The following PFN1 variants were observed in gnomAD, a reference collection of about 807,000 sequenced individuals.
PFN1 encodes the protein profilin-1.
In PFN1, 2 loss-of-function variants were observed where a neutral mutation model predicts 11.7. That is an observed-to-expected ratio of 0.17 (90% CI 0.07 to 0.54). The LOEUF is 0.54. Among genes scored for constraint, PFN1 ranks in the 20% least tolerant of loss-of-function variants. PFN1 has a pLI of 0.94. For missense variants in PFN1, 97 were observed against 188.4 expected, an observed-to-expected ratio of 0.51 and a Z score of 2.84; for synonymous variants, 78 against 76.2, an observed-to-expected ratio of 1.02 and a Z score of -0.12.
rs547907008 is a variant in PFN1, at chr17:4,945,762, T to C, written c.*138A>G. 2.6e-5 allele frequency: 16 copies of C among 625,624 alleles called. No homozygotes were observed. Among genetic ancestry groups the C allele is most frequent in the African/African-American group, 1.5e-4 (8 of 54,954 alleles). 38.8% of individuals were successfully genotyped at this position (625,624 alleles called of 1,614,324 possible). ...GGGGAGGTGTCTGTCCATCCAGCCC[T>C]GGCCCCCAGCCCATGTGGTTTTGGC... On this transcript the variant is annotated 3_prime_UTR_variant, in exon 3 of 3. Coordinates refer to ENST00000225655, the MANE Select transcript of PFN1 (RefSeq NM_005022.4).
chr17:4,946,846 A>G, intron 1 of PFN1, 26 bp from the exon 2 acceptor site: 2 of 1,593,710 alleles, frequency 1.3e-6, no homozygotes, highest in Non-Finnish European at 1.7e-6. Flanking sequence ...AGCGCCCATC[A>G]AGTTAGTCAG....
In PFN1 at chr17:4,945,678, A is replaced by G. The variant is rs77350166; in HGVS notation, c.*222T>C. The G allele has an allele frequency of 7.2e-6, 3 of 415,144 alleles. No individual in the cohort carries two copies. Among genetic ancestry groups the G allele is most frequent in the Admixed American group, 4.0e-5 (1 of 25,194 alleles). The allele number at this position is 415,144 out of a possible 1,614,324, so 25.7% of individuals were successfully genotyped here. A position where few individuals can be genotyped will look rare whatever the true frequency, so the allele number is the denominator to read the frequency against. Reference sequence around the variant, plus strand: ...TGTTAGTAGAATCTTTTTTATTCAGAAAAAAAAAACCCCAAAAAACAAAAG... The same window carrying G: ...TGTTAGTAGAATCTTTTTTATTCAGGAAAAAAAAACCCCAAAAAACAAAAG... On this transcript the variant is annotated 3_prime_UTR_variant, in exon 3 of 3. Coordinates refer to ENST00000225655, the MANE Select transcript of PFN1 (RefSeq NM_005022.4).
At position 4,948,502 on chromosome 17, in the gene PFN1, G is replaced by A. The variant is rs553343580; in HGVS notation, c.-108C>T. ...AGGCGGAGAGCTCGGGGCACGCGCT[G>A]CCGTCCGGACCGCGGCTCCGCTCGC... On this transcript the variant is annotated 5_prime_UTR_variant, in exon 1 of 3. Transcript: ENST00000225655. 6 of 1,277,432 alleles carry A rather than the reference G, an allele frequency of 4.7e-6. No homozygotes were observed. The African/African-American group carries it at 4.7e-5, about 10-fold the overall frequency. The allele number at this position is 1,277,432 out of a possible 1,614,324, so 79.1% of individuals were successfully genotyped here.
chr17:4,948,472 G>C lies in PFN1; in HGVS notation c.-78C>G, dbSNP rs569094456. On this transcript the variant is annotated 5_prime_UTR_variant, in exon 1 of 3. Coordinates refer to ENST00000225655, the MANE Select transcript of PFN1 (RefSeq NM_005022.4). ...CTCGAGCTGCCTCGGCTGGCGGGCGGGGGGAGGCGGAGAGCTCGGGGCACG... is the reference window on the plus strand; with the variant it reads ...CTCGAGCTGCCTCGGCTGGCGGGCGCGGGGAGGCGGAGAGCTCGGGGCACG... The C allele has an allele frequency of 1.1e-5, 16 of 1,450,104 alleles. No homozygotes were observed. The highest frequency in any genetic ancestry group is 2.9e-5 in the African/African-American group (2 of 68,018). 89.8% of individuals were successfully genotyped at this position (1,450,104 alleles called of 1,614,324 possible).
In PFN1 at chr17:4,945,999, T is replaced by TGGA. The variant is rs759482650; in HGVS notation, c.326-5_326-3dup. The stretch of plus-strand genomic sequence containing the variant: ...CTTTGCCCATCAGCAGGACTAGCGC[T>TGGA]GGAGGAGGAGGAAAGAGAAAGGAGG... On this transcript the variant is annotated splice_region_variant and splice_polypyrimidine_tract_variant and intron_variant, in intron 2 of 2. Transcript: ENST00000225655. 1 of 1,606,478 alleles carries TGGA rather than the reference T, an allele frequency of 6.2e-7. No individual in the cohort carries two copies. Among genetic ancestry groups the TGGA allele is most frequent in the Non-Finnish European group, 8.5e-7 (1 of 1,173,270 alleles).
chr17:4,947,687 A>G (rs1410843286), intron 1 of PFN1, among the ~76,000 whole-genome samples: 2 of 152,084 alleles, frequency 1.3e-5, no homozygotes, highest in Non-Finnish European at 2.9e-5. Context: ...GACTTCCGGG[A>G]TTGGCCTCGC....
In PFN1 at chr17:4,945,766, C is replaced by T. The variant is rs1971371437; in HGVS notation, c.*134G>A. The T allele has an allele frequency of 3.2e-6, 2 of 632,132 alleles. No individual in the cohort carries two copies. The highest frequency in any genetic ancestry group is 5.9e-6 in the Non-Finnish European group (2 of 339,614). 39.2% of individuals were successfully genotyped at this position (632,132 alleles called of 1,614,324 possible). A position where few individuals can be genotyped will look rare whatever the true frequency, so the allele number is the denominator to read the frequency against. On this transcript the variant is annotated 3_prime_UTR_variant, in exon 3 of 3. Coordinates refer to ENST00000225655, the MANE Select transcript of PFN1 (RefSeq NM_005022.4). ...AGGTGTCTGTCCATCCAGCCCTGGCCCCCAGCCCATGTGGTTTTGGCAGCA... is the reference window on the plus strand; with the variant it reads ...AGGTGTCTGTCCATCCAGCCCTGGCTCCCAGCCCATGTGGTTTTGGCAGCA...
rs369356618 is a variant in PFN1, at chr17:4,945,963, G to A, written c.360C>T (p.His120=). Reference sequence around the variant, plus strand: ...AACATTTCTTGTTGATCAAACCACCGTGGACACCTTCTTTGCCCATCAGCA... The same window carrying A: ...AACATTTCTTGTTGATCAAACCACCATGGACACCTTCTTTGCCCATCAGCA... ...LVLLMGKEGV[H]GGLINKKCYE... The change falls in exon 3 of 3, where the codon CAC becomes CAT. Residue 120 remains histidine (H), a synonymous_variant. Transcript: ENST00000225655. 38 of 1,613,396 alleles carry A rather than the reference G, an allele frequency of 2.4e-5. No homozygotes were observed. In the African/African-American group the frequency reaches 4.0e-4, roughly 17 times the overall value.
Position 4,945,665 on chromosome 17 carries a change from C to CT in PFN1, c.*234dup, listed in dbSNP as rs757650091. The CT allele has an allele frequency of 9.2e-6, 4 of 432,522 alleles. No homozygotes were observed. In the South Asian group the frequency reaches 1.4e-4, roughly 15 times the overall value. The allele number at this position is 432,522 out of a possible 1,614,324, so 26.8% of individuals were successfully genotyped here. A position where few individuals can be genotyped will look rare whatever the true frequency, so the allele number is the denominator to read the frequency against. On this transcript the variant is annotated 3_prime_UTR_variant, in exon 3 of 3. Coordinates refer to ENST00000225655, the MANE Select transcript of PFN1 (RefSeq NM_005022.4). ...TCACACAGCACCTTGTTAGTAGAAT[C>CT]TTTTTTATTCAGAAAAAAAAAACCC...
At position 4,945,899 on chromosome 17, in the gene PFN1, G is replaced by A; in HGVS notation, c.*1C>T. 1 of 1,574,398 alleles carries A rather than the reference G, an allele frequency of 6.4e-7. No homozygotes were observed. Among genetic ancestry groups the A allele is most frequent in the Non-Finnish European group, 8.7e-7 (1 of 1,143,846 alleles). On this transcript the variant is annotated 3_prime_UTR_variant, in exon 3 of 3. Coordinates refer to ENST00000225655, the MANE Select transcript of PFN1 (RefSeq NM_005022.4). The stretch of plus-strand genomic sequence containing the variant: ...CGGTGAAGGGGAAGGGACAGACGAG[G>A]TCAGTACTGGGAACGCCGAAGGTGG...
In PFN1 at chr17:4,946,828, A is replaced by C. The variant is rs1038366120; in HGVS notation, c.133-8T>G. 6 of 1,607,156 alleles carry C rather than the reference A, an allele frequency of 3.7e-6. No homozygotes were observed. Among genetic ancestry groups the C allele is most frequent in the Non-Finnish European group, 5.1e-6 (6 of 1,176,360 alleles). On this transcript the variant is annotated splice_polypyrimidine_tract_variant and splice_region_variant and intron_variant, in intron 1 of 2. Transcript: ENST00000225655. Reference sequence around the variant, plus strand: ...GACACCCACCTCAGCTGGCTGGAAGAGGAACCAAGCGCCCATCAAGTTAGT... The same window carrying C: ...GACACCCACCTCAGCTGGCTGGAAGCGGAACCAAGCGCCCATCAAGTTAGT...
At position 4,948,494 on chromosome 17, in the gene PFN1, C is replaced by T. The variant is rs568361414; in HGVS notation, c.-100G>A. The stretch of plus-strand genomic sequence containing the variant: ...GCGGGGGGAGGCGGAGAGCTCGGGG[C>T]ACGCGCTGCCGTCCGGACCGCGGCT... On this transcript the variant is annotated 5_prime_UTR_variant, in exon 1 of 3. Coordinates refer to ENST00000225655, the MANE Select transcript of PFN1 (RefSeq NM_005022.4). 231 of 1,338,814 alleles carry T rather than the reference C, an allele frequency of 1.7e-4. 2 individuals are homozygous for T. The South Asian group carries it at 3.4e-3, about 19-fold the overall frequency. The allele number at this position is 1,338,814 out of a possible 1,614,324, so 82.9% of individuals were successfully genotyped here.
chr17:4,946,188 A>C (rs1264212297), intron 2 of PFN1, among the ~76,000 whole-genome samples, 191 bp from the exon 3 acceptor site: 1 of 150,020 alleles, frequency 6.7e-6, no homozygotes, highest in Non-Finnish European at 1.5e-5. Context: ...GAGGAAAATC[A>C]AGCTTAAACG....
chr17:4,948,357 G>A lies in PFN1; in HGVS notation c.38C>T (p.Ala13Val). 6.2e-7 allele frequency: 1 copy of A among 1,610,300 alleles called. No individual in the cohort carries two copies. The highest frequency in any genetic ancestry group is 8.5e-7 in the Non-Finnish European group (1 of 1,178,960). The change falls in exon 1 of 3, where the codon GCG becomes GTG. Residue 13 changes from alanine to valine, a missense_variant. Physicochemically the swap from Ala to Val is moderately conservative, Grantham distance 64 (BLOSUM62 0). Transcript: ENST00000225655. ...GGCCGCGTCCTGACAGGTCCCGTCCGCCATGAGGTTGTCGATGTAGGCGTT... is the reference window on the plus strand; with the variant it reads ...GGCCGCGTCCTGACAGGTCCCGTCCACCATGAGGTTGTCGATGTAGGCGTT... Reference protein sequence around the residue: ...GWNAYIDNLMADGTCQDAAIV... With the variant: ...GWNAYIDNLMVDGTCQDAAIV...
Position 4,946,069 on chromosome 17 carries a change from C to T in PFN1, c.326-72G>A, listed in dbSNP as rs1971381538. ...ATTCCACCCCCTGCCAGCTGTTCAG[C>T]AGCTGTCCAGCCCTGGGGGCTGTAA... is the stretch of plus-strand genomic sequence containing the variant. On this transcript the variant is annotated intron_variant, in intron 2 of 2. Transcript: ENST00000225655. 6.1e-6 allele frequency: 7 copies of T among 1,145,848 alleles called. No individual in the cohort carries two copies. The South Asian group carries it at 8.8e-5, about 14-fold the overall frequency. 71.0% of individuals were successfully genotyped at this position (1,145,848 alleles called of 1,614,324 possible). A position where few individuals can be genotyped will look rare whatever the true frequency, so the allele number is the denominator to read the frequency against.
At position 4,945,956 on chromosome 17, in the gene PFN1, A is replaced by G. The variant is rs1407857864; in HGVS notation, c.367T>C (p.Leu123=). Residue 123 remains leucine (L), a synonymous_variant, in exon 3 of 3, where the codon TTG becomes CTG. Coordinates refer to ENST00000225655, the MANE Select transcript of PFN1 (RefSeq NM_005022.4). The part of the protein sequence containing the change: ...LMGKEGVHGG[L]INKKCYEMAS... ...ATTTCATAACATTTCTTGTTGATCA[A>G]ACCACCGTGGACACCTTCTTTGCCC... The G allele has an allele frequency of 5.6e-6, 9 of 1,613,656 alleles. No individual in the cohort carries two copies. Among genetic ancestry groups the G allele is most frequent in the Non-Finnish European group, 7.6e-6 (9 of 1,179,672 alleles).
chr17:4,946,090 T>A, intron 2 of PFN1, 93 bp from the exon 3 acceptor site: 1 of 909,816 alleles, frequency 1.1e-6, no homozygotes, highest in South Asian at 1.4e-5. Context: ...CCCTGGGGGC[T>A]GTAACCCAAC....
At chr17:4,948,046 G>T (rs1597689853) in intron 1 of PFN1, 1 of 475,106 alleles carries the variant, frequency 2.1e-6, no homozygotes, top group Admixed American at 4.4e-5. Flanking sequence ...CGCGGAAAGC[G>T]GGGTAGCGGG....
intron 2 of PFN1, among the ~76,000 whole-genome samples, 189 bp downstream of exon 2, chr17:4,946,439 T>TA (rs1433709345): frequency 6.6e-6 from 1 of 152,174 alleles, no homozygotes; most frequent in Non-Finnish European, 1.5e-5. Context: ...AACTTCGAAT[T>TA]ACAAGATGAG....
Sources: gnomAD v4.1 joint callset for allele counts (sites outside exome capture counted in the v4.1 genomes callset) on GRCh38, gnomAD v4.1.1 for gene constraint, MANE v1.5 for transcripts, NCBI Gene and HGNC (gene_info 2026-07-23, HGNC 2026-07-21) for gene names.